RBFOX1: variants seen among roughly 807,000 people sequenced by gnomAD.
RBFOX1 encodes RNA binding fox-1 homolog 1, also known as RNA binding protein fox-1 homolog 1.
RBFOX1 carries 8 observed loss-of-function variants against 57.7 expected under a neutral mutation model. That is an observed-to-expected ratio of 0.14 (90% CI 0.08 to 0.25). The LOEUF (loss-of-function observed/expected upper bound fraction) is 0.25. RBFOX1 is among the 10% of genes least tolerant of loss of function. The pLI, the probability that RBFOX1 is intolerant of heterozygous loss-of-function variation, is 1.00. For synonymous variants in RBFOX1, 326 were observed against 222.4 expected (o/e 1.47, Z -4.15); for missense variants, 611 against 548.5 (o/e 1.11, Z -1.14).
intron 1 of RBFOX1, among the ~76,000 whole-genome samples, chr16:5,253,395 ACCCACCTCGGCCT>A (rs1261662689): frequency 6.6e-6 from 1 of 152,006 alleles, no homozygotes; most frequent in Non-Finnish European, 1.5e-5. Context: ...CAGGTGATCC[ACCCACCTCGGCCT>A]CCCAAAGTGC....
chr16:5,902,162 C>G (rs2058319202), intron 4 of RBFOX1, among the ~76,000 whole-genome samples: 1 of 152,096 alleles, frequency 6.6e-6, no homozygotes, highest in Non-Finnish European at 1.5e-5. Flanking sequence ...GAAAATATTC[C>G]AGAAAATTTA....
At chr16:6,510,202 A>G (rs1485925074) in intron 2 of RBFOX1, among the ~76,000 whole-genome samples, 1 of 152,190 alleles carries the variant, frequency 6.6e-6, no homozygotes, top group East Asian at 1.9e-4. Context: ...ATTTATTTTT[A>G]TTAGCCCCTT....
In RBFOX1 at chr16:5,789,539, C is replaced by G. The variant is rs139502793; in HGVS notation, c.319-77764C>G. On this transcript the variant is annotated intron_variant, in intron 3 of 19. Coordinates refer to the RBFOX1 transcript ENST00000641259. ...GCATTTAACGTGTTAGTTTCATCAT[C>G]ATCATCGTCATCATCATCACTAGTA... 4.1e-4 allele frequency among the ~76,000 whole-genome samples: 63 copies of G among 152,288 alleles called. 1 individual carries two copies. Among genetic ancestry groups the G allele is most frequent in the Admixed American group, 3.9e-3 (59 of 15,300 alleles).
intron 12 of RBFOX1, among the ~76,000 whole-genome samples, chr16:7,658,473 C>A (rs971793461): frequency 3.9e-5 from 6 of 152,176 alleles, no homozygotes; most frequent in African/African-American, 1.4e-4. Context: ...AATGCCCAGT[C>A]TAGCTTCCTA....
At position 5,905,981 on chromosome 16, in the gene RBFOX1, G is replaced by A. The variant is rs564678285; in HGVS notation, c.351+38646G>A. The stretch of plus-strand genomic sequence containing the variant: ...TGCCCAAAGCCCTACCTTAGGATGT[G>A]GTTTTCAGGCTGAGTCCAGGCAGGG... On this transcript the variant is annotated intron_variant, in intron 4 of 19. Coordinates refer to the RBFOX1 transcript ENST00000641259. Among the ~76,000 whole-genome samples the A allele has an allele frequency of 3.3e-5, 5 of 152,310 alleles. No individual in the cohort carries two copies. In the South Asian group the frequency reaches 1.0e-3, roughly 32 times the overall value.
chr16:6,768,393 A>G (rs1278959302), intron 3 of RBFOX1, among the ~76,000 whole-genome samples: 1 of 152,042 alleles, frequency 6.6e-6, no homozygotes, highest in Non-Finnish European at 1.5e-5. Flanking sequence ...CTTTGAAAAT[A>G]CAAATATAAT....
At chr16:6,946,488 G>A (rs1057176144) in intron 3 of RBFOX1, among the ~76,000 whole-genome samples, 1 of 152,138 alleles carries the variant, frequency 6.6e-6, no homozygotes, top group African/African-American at 2.4e-5. Flanking sequence ...TGCATAGCCT[G>A]TTTTCTCCTC....
chr16:7,165,459 C>T (rs1356054066), intron 4 of RBFOX1, among the ~76,000 whole-genome samples: 6 of 149,518 alleles, frequency 4.0e-5, no homozygotes, highest in Admixed American at 6.7e-5. Flanking sequence ...GATGGAGTTT[C>T]GCTCTTGTTC....
intron 4 of RBFOX1, among the ~76,000 whole-genome samples, chr16:7,297,094 T>C (rs1012241796): frequency 4.6e-5 from 7 of 152,072 alleles, no homozygotes; most frequent in African/African-American, 7.2e-5. Flanking sequence ...GAGACAAGGC[T>C]CAAGGGTCAA....
intron 2 of RBFOX1, among the ~76,000 whole-genome samples, chr16:6,376,533 G>C (rs2152905276): frequency 6.6e-6 from 1 of 152,254 alleles, no homozygotes; most frequent in Non-Finnish European, 1.5e-5. Flanking sequence ...CTGCGTTTTT[G>C]AAAGCTGCCT....
At chr16:5,869,488 G>T (rs1051994815) in intron 4 of RBFOX1, among the ~76,000 whole-genome samples, 1 of 152,080 alleles carries the variant, frequency 6.6e-6, no homozygotes, top group African/African-American at 2.4e-5. Flanking sequence ...TGCAACCTCC[G>T]CCTCCCAGGT....
At position 5,243,890 on chromosome 16, in the gene RBFOX1, C is replaced by T. The variant is rs562472786; in HGVS notation, c.219+3785C>T. 1.5e-3 allele frequency among the ~76,000 whole-genome samples: 233 copies of T among 152,080 alleles called. 1 individual carries two copies. The highest frequency in any genetic ancestry group is 5.4e-3 in the African/African-American group (223 of 41,490). ...AGTACATGGAAAATGCTGGGCATAG[C>T]ATTTATTTATTTTTATTTTTTTTTA... On this transcript the variant is annotated intron_variant, in intron 1 of 2. Coordinates refer to the RBFOX1 transcript ENST00000585867.
intron 3 of RBFOX1, among the ~76,000 whole-genome samples, chr16:6,969,793 C>A (rs909875547): frequency 1.3e-5 from 2 of 151,924 alleles, no homozygotes; most frequent in African/African-American, 2.4e-5. Flanking sequence ...CTCTCTGGTG[C>A]CCCCTTCAGT....
At position 5,845,532 on chromosome 16, in the gene RBFOX1, C is replaced by G. The variant is rs562160402; in HGVS notation, c.319-21771C>G. On this transcript the variant is annotated intron_variant, in intron 3 of 19. Transcript: ENST00000641259. ...AAATTGACGAGTGTGAATCCCCACT[C>G]TTACCTGCACCTTGGTCCAGGTTGA... Among the ~76,000 whole-genome samples, 14 of 152,336 alleles carry G rather than the reference C, an allele frequency of 9.2e-5. No individual in the cohort carries two copies. The South Asian group carries it at 2.9e-3, about 32-fold the overall frequency.
rs1039038333 is a variant in RBFOX1 at position 6,132,409 on chromosome 16, G to A, written c.-127+112417G>A. Among the ~76,000 whole-genome samples the A allele has an allele frequency of 2.0e-5, 3 of 152,330 alleles. No individual in the cohort carries two copies. In the South Asian group the frequency reaches 6.2e-4, roughly 32 times the overall value. On this transcript the variant is annotated intron_variant, in intron 1 of 15. Transcript: ENST00000550418. ...AGATACCACAGATACGGTTACCACA[G>A]GTGTGACATGAAGCAGCTTGAATTC...
chr16:7,488,154 G>A (rs2065909500), intron 4 of RBFOX1, among the ~76,000 whole-genome samples: 1 of 152,122 alleles, frequency 6.6e-6, no homozygotes, highest in South Asian at 2.1e-4. Flanking sequence ...GCGTGATTGT[G>A]ATTGATGAGC....
intron 4 of RBFOX1, among the ~76,000 whole-genome samples, chr16:7,266,884 G>T (rs1480702347): frequency 6.6e-6 from 1 of 152,134 alleles, no homozygotes; most frequent in Non-Finnish European, 1.5e-5. Context: ...AGGACTGGGG[G>T]TGAGTGGTGT....
At chr16:5,506,365 T>G (rs759628884) in intron 2 of RBFOX1, among the ~76,000 whole-genome samples, 41 of 152,136 alleles carry the variant, frequency 2.7e-4, no homozygotes, top group Non-Finnish European at 4.9e-4. Flanking sequence ...TTTCTCTCCC[T>G]CTCTGTCCTT....
intron 4 of RBFOX1, among the ~76,000 whole-genome samples, chr16:7,393,223 T>C (rs2098074607): frequency 6.6e-6 from 1 of 152,126 alleles, no homozygotes; most frequent in African/African-American, 2.4e-5. Context: ...GGTTCTGAGA[T>C]CTGACAGGAA....
Sources: allele counts gnomAD v4.1 joint callset (sites outside exome capture counted in the v4.1 genomes callset), GRCh38; gene constraint gnomAD v4.1.1; transcripts MANE v1.5; gene names NCBI Gene and HGNC (gene_info 2026-07-23, HGNC 2026-07-21).